Variants in BIRC6 observed in about 807,000 individuals in gnomAD.
The protein encoded by BIRC6 is baculoviral IAP repeat containing 6.
A neutral mutation model predicts 503.3 loss-of-function variants in BIRC6; 98 were observed. The ratio of observed to expected loss-of-function variants is 0.19; its 90% confidence interval spans 0.17 to 0.23. The LOEUF is 0.23. Ranked by LOEUF, BIRC6 falls within the 10% of genes least tolerant of loss-of-function variation. BIRC6 has a pLI of 1.00. For missense variants in BIRC6, 5,360 were observed against 5,806.0 expected (o/e 0.92, Z 2.50); for synonymous variants, 2,240 against 2,078.7 (o/e 1.08, Z -2.11).
chr2:32,537,964 CAA>C (rs769563624), intron 61 of BIRC6, among the ~76,000 whole-genome samples: 7 of 111,224 alleles, frequency 6.3e-5, no homozygotes, highest in African/African-American at 1.7e-4. Context: ...GACTCCGTCT[CAA>C]AAAAAAAAAA....
At chr2:32,561,612 AT>A (rs536755973) in intron 65 of BIRC6, among the ~76,000 whole-genome samples, 17 of 148,898 alleles carry the variant, frequency 1.1e-4, no homozygotes, top group African/African-American at 3.0e-4. Context: ...TTTTATTTTG[AT>A]TTTTTTTTAG....
chr2:32,429,136 T>G lies in BIRC6; in HGVS notation c.2873-10T>G, dbSNP rs774228514. 1 of 1,575,142 alleles carries G rather than the reference T, an allele frequency of 6.3e-7. No homozygotes were observed. The highest frequency in any genetic ancestry group is 1.2e-5 in the South Asian group (1 of 83,404). ...TTTTTCATGTATCTATGAAATTTAC[T>G]ACACTGTAGGTGGTGAGCTTCATTT... On this transcript the variant is annotated splice_polypyrimidine_tract_variant and intron_variant, in intron 10 of 73. Coordinates refer to ENST00000421745, the MANE Select transcript of BIRC6 (RefSeq NM_016252.4).
intron 49 of BIRC6, 111 bp downstream of exon 49, chr2:32,503,347 T>G: frequency 1.2e-6 from 1 of 851,360 alleles, no homozygotes; most frequent in Non-Finnish European, 1.8e-6. Context: ...ACTATTTTAA[T>G]TACAAACAGT....
intron 4 of BIRC6, among the ~76,000 whole-genome samples, chr2:32,389,804 C>G (rs1411032483): frequency 6.6e-6 from 1 of 152,096 alleles, no homozygotes; most frequent in South Asian, 2.1e-4. Context: ...TCAAGAGATT[C>G]TCCTGCCTCA....
At chr2:32,483,170 G>T (rs907281241) in intron 39 of BIRC6, among the ~76,000 whole-genome samples, 1 of 152,074 alleles carries the variant, frequency 6.6e-6, no homozygotes, top group African/African-American at 2.4e-5. Flanking sequence ...GCCTGCCTCG[G>T]CCTCCAAAAG....
At chr2:32,578,067 G>T (rs572195008) in intron 66 of BIRC6, among the ~76,000 whole-genome samples, 1 of 151,768 alleles carries the variant, frequency 6.6e-6, no homozygotes, top group Non-Finnish European at 1.5e-5. Context: ...ATACTTTTTC[G>T]TTGAAACCCT....
Position 32,357,563 on chromosome 2 carries a change from CG to C in BIRC6, c.325+81del. On this transcript the variant is annotated intron_variant, in intron 1 of 73. Coordinates refer to ENST00000421745, the MANE Select transcript of BIRC6 (RefSeq NM_016252.4). This position sits in a 1 kb window ranked among gnomAD's most constrained non-coding sequence, Gnocchi z 4.9. Reference sequence around the variant, plus strand: ...AGCCCCGGGGCTCGGCCTCGCGACTCGGGGAAGCGAGATGGCGAGAGGGCAG... The same window carrying C: ...AGCCCCGGGGCTCGGCCTCGCGACTCGGGAAGCGAGATGGCGAGAGGGCAG... 1 of 1,500,004 alleles carries C rather than the reference CG, an allele frequency of 6.7e-7. No homozygotes were observed. The highest frequency in any genetic ancestry group is 8.9e-7 in the Non-Finnish European group (1 of 1,129,736). 92.9% of individuals were successfully genotyped at this position (1,500,004 alleles called of 1,614,324 possible).
intron 9 of BIRC6, among the ~76,000 whole-genome samples, chr2:32,407,145 T>C (rs1013542737): frequency 6.6e-6 from 1 of 152,080 alleles, no homozygotes; most frequent in Admixed American, 6.6e-5. Context: ...AAGTCTGTTA[T>C]TTAGAGTTTT....
chr2:32,599,680 T>G (rs1312077014), intron 69 of BIRC6, 59 bp from the exon 70 acceptor site: 4 of 1,508,754 alleles, frequency 2.7e-6, no homozygotes, highest in Non-Finnish European at 3.6e-6. Flanking sequence ...ATTGTATTTT[T>G]CTAAATATCA....
intron 66 of BIRC6, among the ~76,000 whole-genome samples, chr2:32,578,594 T>G (rs1356063719): frequency 1.3e-5 from 2 of 151,948 alleles, no homozygotes; most frequent in Non-Finnish European, 2.9e-5. Context: ...CCAGGAGTTC[T>G]AGACCAGCCT....
rs958310594 is a variant in BIRC6 at position 32,393,051 on chromosome 2, C to G, written c.951+901C>G. Among the ~76,000 whole-genome samples the G allele has an allele frequency of 2.0e-5, 3 of 151,914 alleles. No homozygotes were observed. In the East Asian group the frequency reaches 5.8e-4, roughly 29 times the overall value. ...GTGTTTGACATCTGCATTCATAACA[C>G]AGTAGTAGATGCTTAGGGTAATGCA... On this transcript the variant is annotated intron_variant, in intron 5 of 73. Transcript: ENST00000421745.
chr2:32,416,314 T>G (rs1174385987), intron 10 of BIRC6, among the ~76,000 whole-genome samples, 151 bp downstream of exon 10: 1 of 152,142 alleles, frequency 6.6e-6, no homozygotes, highest in African/African-American at 2.4e-5. Flanking sequence ...TTTTAAACTG[T>G]TCTTAAAACT....
At position 32,585,284 on chromosome 2, in the gene BIRC6, G is replaced by A. The variant is rs565945500; in HGVS notation, c.13356-8631G>A. ...TTTGGTGAAAATCAATTTTAGAAAT[G>A]TTCTGATTGACGACTTAGGCAGATA... On this transcript the variant is annotated intron_variant, in intron 66 of 73. Transcript: ENST00000421745. 3.9e-5 allele frequency among the ~76,000 whole-genome samples: 6 copies of A among 152,062 alleles called. 1 individual carries two copies. The South Asian group carries it at 8.3e-4, about 21-fold the overall frequency.
chr2:32,536,244 T>C (rs1390103224), intron 61 of BIRC6, among the ~76,000 whole-genome samples: 1 of 152,172 alleles, frequency 6.6e-6, no homozygotes, highest in Non-Finnish European at 1.5e-5. Flanking sequence ...AATTTTGTCC[T>C]ATTCTGTATG....
intron 59 of BIRC6, 115 bp from the exon 60 acceptor site, chr2:32,529,536 G>T: frequency 3.1e-6 from 3 of 961,440 alleles, no homozygotes; most frequent in South Asian, 2.4e-5. Context: ...TAATTGTTTT[G>T]AAATTGGTTT....
chr2:32,377,566 T>C (rs1192383685), intron 1 of BIRC6, 22 bp from the exon 2 acceptor site: 2 of 1,580,434 alleles, frequency 1.3e-6, no homozygotes, highest in Non-Finnish European at 1.7e-6. Flanking sequence ...TCTTAAGTGT[T>C]GAATTTTTGT....
chr2:32,477,169 A>G (rs962777086), intron 34 of BIRC6, among the ~76,000 whole-genome samples, 199 bp from the exon 35 acceptor site: 5 of 152,210 alleles, frequency 3.3e-5, no homozygotes, highest in African/African-American at 1.2e-4. Flanking sequence ...CATATCTGAT[A>G]CTTTACTCCA....
intron 42 of BIRC6, among the ~76,000 whole-genome samples, chr2:32,489,745 TAAA>T (rs2051462782): frequency 6.6e-6 from 1 of 152,200 alleles, no homozygotes; most frequent in Non-Finnish European, 1.5e-5. Flanking sequence ...GGATTTTTAG[TAAA>T]TTGTATTGAA....
intron 71 of BIRC6, 45 bp from the exon 72 acceptor site, chr2:32,607,409 CA>C (rs760085579): frequency 1.1e-5 from 14 of 1,318,802 alleles, no homozygotes; most frequent in Non-Finnish European, 1.3e-5. Flanking sequence ...AGTTAACCCA[CA>C]GTAAAAATGT....
Sources: allele counts gnomAD v4.1 joint callset (sites outside exome capture counted in the v4.1 genomes callset), GRCh38; gene constraint gnomAD v4.1.1; non-coding constraint Gnocchi (gnomAD v3.1); transcripts MANE v1.5; gene names NCBI Gene and HGNC (gene_info 2026-07-23, HGNC 2026-07-21).